The following PALS2 variants were observed in gnomAD, a reference collection of about 807,000 sequenced individuals.
The protein encoded by PALS2 is protein PALS2.
A neutral mutation model predicts 61.6 loss-of-function variants in PALS2; 27 were observed. The observed-to-expected ratio is 0.44, with a 90% CI of 0.32 to 0.60. The LOEUF is 0.60. Among genes scored for constraint, PALS2 ranks in the 20% least tolerant of loss-of-function variants. The pLI is 0.05. For synonymous variants in PALS2, 236 were observed against 218.6 expected (o/e 1.08, Z -0.70); for missense variants, 554 against 639.4 (o/e 0.87, Z 1.44).
At chr7:24,629,311 C>T (rs1226468143) in intron 2 of PALS2, among the ~76,000 whole-genome samples, 1 of 152,154 alleles carries the variant, frequency 6.6e-6, no homozygotes, top group African/African-American at 2.4e-5. Context: ...TGTACCCCTT[C>T]CTTACACCTT....
intron 2 of PALS2, among the ~76,000 whole-genome samples, chr7:24,633,548 G>A (rs1393865064): frequency 6.8e-6 from 1 of 147,026 alleles, no homozygotes; most frequent in African/African-American, 2.5e-5. Context: ...TAGAATTCGG[G>A]GTTTTTAATC....
rs979636442 is a variant in PALS2, at chr7:24,666,205, G to A, written c.952+116G>A. 1.2e-5 allele frequency: 10 copies of A among 852,002 alleles called. No homozygotes were observed. The African/African-American group carries it at 1.4e-4, about 12-fold the overall frequency. The allele number at this position is 852,002 out of a possible 1,614,324, so 52.8% of individuals were successfully genotyped here. On this transcript the variant is annotated intron_variant, in intron 8 of 11. Coordinates refer to ENST00000222644, the MANE Select transcript of PALS2 (RefSeq NM_001303037.2). ...GTGTAATTCAGATTAGTACCTAGTTGCAAGGGGCTGACATATGAACACATG... is the reference window on the plus strand; with the variant it reads ...GTGTAATTCAGATTAGTACCTAGTTACAAGGGGCTGACATATGAACACATG...
chr7:24,620,497 G>A (rs79731569), intron 1 of PALS2, among the ~76,000 whole-genome samples: 9,587 of 152,002 alleles, frequency 0.063, 349 homozygotes, highest in African/African-American at 0.093. Context: ...ATGATTAAGA[G>A]TCAGTAACAA....
chr7:24,679,163 G>T lies in PALS2; in HGVS notation c.1147G>T (p.Asp383Tyr). ...ACGGAAACCAAGGGAAGATGAAAAA[G>T]ATGGCCAGGCATATAAGTTTGTGTC... Reference protein sequence around the residue: ...TSRKPREDEKDGQAYKFVSRS... With the variant: ...TSRKPREDEKYGQAYKFVSRS... The change falls in exon 10 of 12, where the codon GAT (aspartate) becomes TAT (tyrosine). Residue 383 changes from aspartate to tyrosine, a missense_variant. By Grantham distance (160) the Asp-to-Tyr change is radical. Transcript: ENST00000222644. 6.2e-7 allele frequency: 1 copy of T among 1,613,956 alleles called. No homozygotes were observed. Among genetic ancestry groups the T allele is most frequent in the Non-Finnish European group, 8.5e-7 (1 of 1,179,858 alleles).
At position 24,573,727 on chromosome 7, in the gene PALS2, C is replaced by T. The variant is rs1282045289; in HGVS notation, c.-3+134C>T. On this transcript the variant is annotated intron_variant, in intron 1 of 11. Coordinates refer to ENST00000222644, the MANE Select transcript of PALS2 (RefSeq NM_001303037.2). This position sits in a 1 kb window ranked among gnomAD's most constrained non-coding sequence, Gnocchi z 5.3. ...CGCCCCGCCCCCCTCGGCACCTGGG[C>T]TTCGGCGGGCGCGGGGAAGAGGGAC... is the stretch of plus-strand genomic sequence containing the variant. 1 of 149,286 alleles carries T rather than the reference C, an allele frequency of 6.7e-6. No homozygotes were observed. The highest frequency in any genetic ancestry group is 1.5e-5 in the Non-Finnish European group (1 of 68,034). The allele number at this position is 149,286 out of a possible 1,614,324, so 9.2% of individuals were successfully genotyped here.
chr7:24,641,572 C>T (rs2128071392), intron 2 of PALS2, 144 bp from the exon 3 acceptor site: 2 of 634,622 alleles, frequency 3.2e-6, no homozygotes, highest in African/African-American at 1.9e-5. Flanking sequence ...CTATATATTG[C>T]CTCTGGTTGA....
intron 1 of PALS2, among the ~76,000 whole-genome samples, chr7:24,606,464 A>G (rs1783902260): frequency 6.6e-6 from 1 of 152,202 alleles, no homozygotes; most frequent in Non-Finnish European, 1.5e-5. Context: ...GGCTTTTCAT[A>G]TTCTAGCATT....
intron 1 of PALS2, among the ~76,000 whole-genome samples, chr7:24,608,730 T>C (rs1380776243): frequency 6.6e-6 from 1 of 152,154 alleles, no homozygotes; most frequent in African/African-American, 2.4e-5. Context: ...GCCTCCCAAG[T>C]ATCTGGGACT....
intron 10 of PALS2, 126 bp from the exon 11 acceptor site, chr7:24,680,266 A>T: frequency 5.7e-6 from 5 of 877,508 alleles, no homozygotes; most frequent in African/African-American, 1.7e-5. Flanking sequence ...CAGAACAGGG[A>T]TAAGTATTAA....
At chr7:24,648,028 G>A (rs1350054058) in intron 3 of PALS2, among the ~76,000 whole-genome samples, 1 of 152,140 alleles carries the variant, frequency 6.6e-6, no homozygotes, top group Non-Finnish European at 1.5e-5. Context: ...GCGCAGGTTA[G>A]CAACTTCCAG....
At chr7:24,668,826 G>A (rs1485099733) in intron 9 of PALS2, among the ~76,000 whole-genome samples, 166 bp downstream of exon 9, 1 of 152,234 alleles carries the variant, frequency 6.6e-6, no homozygotes, top group Non-Finnish European at 1.5e-5. Context: ...TAATTCTGTA[G>A]CTGTCTTGAA....
chr7:24,604,855 G>C (rs1252519633), intron 1 of PALS2, among the ~76,000 whole-genome samples: 11 of 152,150 alleles, frequency 7.2e-5, no homozygotes, highest in Admixed American at 6.5e-4. Flanking sequence ...GGACACAAAC[G>C]CCTAGGCCAT....
At chr7:24,671,127 A>G (rs1269578330) in intron 9 of PALS2, among the ~76,000 whole-genome samples, 1 of 152,156 alleles carries the variant, frequency 6.6e-6, no homozygotes, top group Non-Finnish European at 1.5e-5. Context: ...AGCTGTGTAT[A>G]TACCCTTCAC....
intron 1 of PALS2, among the ~76,000 whole-genome samples, chr7:24,622,683 C>CTTTTTTTTTTTTT (rs70942815): frequency 7.4e-6 from 1 of 135,698 alleles, no homozygotes; most frequent in African/African-American, 2.7e-5. Flanking sequence ...TTTCTTTTTT[C>CTTTTTTTTTTTTT]TTTTTTTTTT....
intron 3 of PALS2, among the ~76,000 whole-genome samples, chr7:24,644,031 C>A (rs1390118731): frequency 6.6e-6 from 1 of 151,442 alleles, no homozygotes; most frequent in Non-Finnish European, 1.5e-5. Context: ...TGTTCTCTAT[C>A]AACCATGTAC....
Position 24,650,680 on chromosome 7 carries a change from C to A in PALS2, c.619C>A (p.Pro207Thr). 6.2e-7 allele frequency: 1 copy of A among 1,604,804 alleles called. No homozygotes were observed. The highest frequency in any genetic ancestry group is 8.5e-7 in the Non-Finnish European group (1 of 1,172,414). The stretch of plus-strand genomic sequence containing the variant: ...TGGAAGTGTCACCCTAAAAATCTTA[C>A]CAAGTTATAGAGATACCATTACTCC... ...ISGSVTLKIL[P>T]SYRDTITPQQ... The change falls in exon 5 of 12, where the codon CCA becomes ACA. Residue 207 changes from proline (P) to threonine (T), a missense_variant. Transcript: ENST00000222644.
chr7:24,605,829 A>G (rs1022261710), intron 1 of PALS2, among the ~76,000 whole-genome samples: 4 of 152,186 alleles, frequency 2.6e-5, no homozygotes, highest in South Asian at 2.1e-4. Flanking sequence ...AGCTATGTAT[A>G]TGGAAAGTCA....
intron 2 of PALS2, among the ~76,000 whole-genome samples, chr7:24,632,219 T>C (rs1372995972): frequency 6.6e-6 from 1 of 152,210 alleles, no homozygotes; most frequent in Admixed American, 6.5e-5. Flanking sequence ...CCAATAATTT[T>C]TCTTGATCTG....
chr7:24,657,775 A>C (rs1786498140), intron 5 of PALS2, among the ~76,000 whole-genome samples: 1 of 152,110 alleles, frequency 6.6e-6, no homozygotes, highest in South Asian at 2.1e-4. Flanking sequence ...TGTATAACCT[A>C]AGGTCATGAA....
Sources: gnomAD v4.1 joint callset for allele counts (sites outside exome capture counted in the v4.1 genomes callset) on GRCh38, gnomAD v4.1.1 for gene constraint, Gnocchi (gnomAD v3.1) non-coding constraint, MANE v1.5 for transcripts, NCBI Gene and HGNC (gene_info 2026-07-23, HGNC 2026-07-21) for gene names.